Variants in SUFU observed in about 807,000 individuals in gnomAD.
SUFU encodes the protein suppressor of fused homolog.
Under a neutral mutation model 58.9 loss-of-function variants are expected in SUFU, and 7 were observed. The ratio of observed to expected loss-of-function variants is 0.12; its 90% confidence interval spans 0.07 to 0.22. The LOEUF (loss-of-function observed/expected upper bound fraction) is 0.22. Ranked by LOEUF, SUFU falls within the 10% of genes least tolerant of loss-of-function variation. The pLI is 1.00. For missense variants in SUFU, 451 were observed against 641.3 expected, an observed-to-expected ratio of 0.70 and a Z score of 3.20; for synonymous variants, 232 against 254.8, an observed-to-expected ratio of 0.91 and a Z score of 0.85.
At position 102,518,504 on chromosome 10, in the gene SUFU, A is replaced by ACTGT. The variant is rs201333164; in HGVS notation, c.317+9216_317+9219dup. 2.7e-3 allele frequency among the ~76,000 whole-genome samples: 375 copies of ACTGT among 136,882 alleles called. 1 individual carries two copies. Among genetic ancestry groups the ACTGT allele is most frequent in the African/African-American group, 0.01 (359 of 35,362 alleles). The allele number at this position is 136,882 out of a possible 152,430, so 89.8% of individuals were successfully genotyped here. A position where few individuals can be genotyped will look rare whatever the true frequency, so the allele number is the denominator to read the frequency against. ...GCTGGATGTAGAAGCTATCTATCTAACTGTCTGTCTGTCTGTCTATCTATC... is the reference window on the plus strand; with the variant it reads ...GCTGGATGTAGAAGCTATCTATCTAACTGTCTGTCTGTCTGTCTGTCTATCTATC... On this transcript the variant is annotated intron_variant, in intron 2 of 11. Transcript: ENST00000369902.
chr10:102,554,129 G>A (rs536284306), intron 3 of SUFU, among the ~76,000 whole-genome samples: 40 of 152,132 alleles, frequency 2.6e-4, no homozygotes, highest in Middle Eastern at 3.4e-3. Flanking sequence ...CAGGTCAGGC[G>A]CAGTGGCTCA....
chr10:102,631,900 G>A lies in SUFU; in HGVS notation c.*1745G>A. 4.3e-6 allele frequency: 1 copy of A among 233,370 alleles called. No individual in the cohort carries two copies. 14.5% of individuals were successfully genotyped at this position (233,370 alleles called of 1,614,324 possible). ...CGCCAGCCAAGATGCAAGCCACTCG[G>A]GACCTGATGTCGGCAGCTGTGCCTC... On this transcript the variant is annotated 3_prime_UTR_variant, in exon 12 of 12. Coordinates refer to ENST00000369902, the MANE Select transcript of SUFU (RefSeq NM_016169.4).
intron 8 of SUFU, among the ~76,000 whole-genome samples, chr10:102,610,393 A>AAAAAAAG (rs1491116721): frequency 2.1e-3 from 1 of 470 alleles, no homozygotes; most frequent in Admixed American, 0.045. Flanking sequence ...ACTCTGTCTC[A>AAAAAAAG]AAAAAAAAAA....
rs746032665 is a variant in SUFU, at chr10:102,593,984, T to C, written c.684-9T>C. On this transcript the variant is annotated splice_polypyrimidine_tract_variant and intron_variant, in intron 5 of 11. Transcript: ENST00000369902. ...CAGTTACCATTGTATCCCCTTTCCT[T>C]GTCCACAGTGCTGGCGGCCCCTGGC... is the stretch of plus-strand genomic sequence containing the variant. 5 of 1,613,994 alleles carry C rather than the reference T, an allele frequency of 3.1e-6. No homozygotes were observed. The highest frequency in any genetic ancestry group is 1.7e-5 in the Admixed American group (1 of 60,006).
intron 2 of SUFU, among the ~76,000 whole-genome samples, chr10:102,510,758 G>A (rs1404640464): frequency 2.0e-5 from 3 of 152,160 alleles, no homozygotes; most frequent in African/African-American, 7.2e-5. Context: ...GGGAGGCAGA[G>A]GTTGCAGTGA....
chr10:102,507,361 T>C (rs1411183757), intron 1 of SUFU, among the ~76,000 whole-genome samples: 5 of 152,206 alleles, frequency 3.3e-5, no homozygotes, highest in Admixed American at 3.3e-4. Flanking sequence ...GGAGCAGGTA[T>C]GGGGCCTGTA....
At chr10:102,610,362 C>G (rs1212114028) in intron 8 of SUFU, among the ~76,000 whole-genome samples, 1 of 129,686 alleles carries the variant, frequency 7.7e-6, no homozygotes, top group Admixed American at 9.4e-5. Flanking sequence ...CATTGCACTC[C>G]AGCCTGGGCG....
chr10:102,545,597 C>T (rs2062847318), intron 2 of SUFU, among the ~76,000 whole-genome samples: 1 of 152,212 alleles, frequency 6.6e-6, no homozygotes, highest in African/African-American at 2.4e-5. Flanking sequence ...TCCACGTCCT[C>T]TCTAACACTT....
chr10:102,503,591 A>C (rs2062277658), upstream of SUFU, among the ~76,000 whole-genome samples: 1 of 152,208 alleles, frequency 6.6e-6, no homozygotes, highest in Non-Finnish European at 1.5e-5. Flanking sequence ...CCTAGAAAAC[A>C]TTAGATTTAT....
chr10:102,577,334 AT>A (rs1032028774), intron 3 of SUFU, among the ~76,000 whole-genome samples: 7 of 149,748 alleles, frequency 4.7e-5, no homozygotes, highest in South Asian at 2.1e-4. Context: ...ATTTCCTGGG[AT>A]TTTTTTTTCT....
At chr10:102,624,803 T>C (rs1216137736) in intron 10 of SUFU, among the ~76,000 whole-genome samples, 1 of 152,226 alleles carries the variant, frequency 6.6e-6, no homozygotes, top group Non-Finnish European at 1.5e-5. Context: ...CCTTGAAGAA[T>C]AACTCTGGCG....
intron 10 of SUFU, chr10:102,618,981 A>AGTGTGTGTGTGTGTGT (rs1384030328): frequency 1.3e-6 from 1 of 762,086 alleles, no homozygotes; most frequent in Non-Finnish European, 2.1e-6. Flanking sequence ...TGTGTGTGTA[A>AGTGTGTGTGTGTGTGT]TGTTCAAGCA....
At chr10:102,622,361 G>C (rs1158844844) in intron 10 of SUFU, among the ~76,000 whole-genome samples, 1 of 151,924 alleles carries the variant, frequency 6.6e-6, no homozygotes, top group Non-Finnish European at 1.5e-5. Context: ...ATCAGTCCCA[G>C]CACTTTGGGA....
intron 2 of SUFU, among the ~76,000 whole-genome samples, chr10:102,512,552 T>C (rs1291388830): frequency 2.0e-5 from 3 of 152,242 alleles, no homozygotes; most frequent in Non-Finnish European, 4.4e-5. Context: ...TTATTGTTTT[T>C]TTCTGGTTTA....
At chr10:102,504,421 G>A (rs1006222215) in intron 1 of SUFU, 87 bp downstream of exon 1, 42 of 1,572,886 alleles carry the variant, frequency 2.7e-5, no homozygotes, top group Non-Finnish European at 3.5e-5. Context: ...GGAGGTGGGA[G>A]GAGGGGTAGA....
intron 8 of SUFU, among the ~76,000 whole-genome samples, chr10:102,607,000 T>C (rs1379264018): frequency 2.6e-5 from 4 of 151,940 alleles, no homozygotes; most frequent in African/African-American, 9.7e-5. Context: ...ATAAAATTGA[T>C]AAATACCTGA....
chr10:102,566,277 A>G (rs140563654), intron 3 of SUFU, among the ~76,000 whole-genome samples: 20 of 152,314 alleles, frequency 1.3e-4, no homozygotes, highest in African/African-American at 4.6e-4. Flanking sequence ...AGTAATATCT[A>G]CTTCATAATA....
intron 2 of SUFU, among the ~76,000 whole-genome samples, chr10:102,528,596 T>C (rs2062638969): frequency 6.6e-6 from 1 of 151,976 alleles, no homozygotes; most frequent in South Asian, 2.1e-4. Flanking sequence ...TAAAATTCAG[T>C]GTCTTATTCC....
chr10:102,604,879 A>G (rs189956886), intron 8 of SUFU, among the ~76,000 whole-genome samples: 1 of 146,860 alleles, frequency 6.8e-6, no homozygotes, highest in African/African-American at 2.5e-5. Context: ...TGATTTCATG[A>G]TCACATTTTA....
Sources: gnomAD v4.1 joint callset for allele counts (sites outside exome capture counted in the v4.1 genomes callset) on GRCh38, gnomAD v4.1.1 for gene constraint, MANE v1.5 for transcripts, NCBI Gene and HGNC (gene_info 2026-07-23, HGNC 2026-07-21) for gene names.